NKAIN2: variants seen among roughly 807,000 people sequenced by gnomAD.
The protein encoded by NKAIN2 is sodium/potassium-transporting ATPase subunit beta-1-interacting protein 2.
In NKAIN2, 14 loss-of-function variants were observed where a neutral mutation model predicts 32.6. The ratio of observed to expected loss-of-function variants is 0.43; its 90% CI spans 0.28 to 0.67. The LOEUF is 0.67. Among genes scored for constraint, NKAIN2 ranks in the 30% least tolerant of loss-of-function variants. The probability of loss-of-function intolerance (pLI) is 0.17; values close to 1 mark genes in which losing one functional copy is unlikely to be tolerated. For missense variants in NKAIN2, 198 were observed against 258.3 expected (o/e 0.77, Z 1.60); for synonymous variants, 80 against 87.2 (o/e 0.92, Z 0.46).
intron 1 of NKAIN2, among the ~76,000 whole-genome samples, chr6:123,881,166 C>T (rs1015210282): frequency 2.0e-5 from 3 of 152,072 alleles, no homozygotes; most frequent in East Asian, 1.9e-4. Context: ...GGATTATAGG[C>T]GGCCACCACC....
intron 1 of NKAIN2, among the ~76,000 whole-genome samples, chr6:124,107,518 GT>G (rs1412026812): frequency 2.0e-5 from 3 of 152,070 alleles, no homozygotes; most frequent in South Asian, 4.2e-4. Context: ...ACCAGGCACT[GT>G]TTTTTATGAT....
chr6:124,029,801 C>T (rs555782749), intron 1 of NKAIN2, among the ~76,000 whole-genome samples: 1 of 152,092 alleles, frequency 6.6e-6, no homozygotes, highest in African/African-American at 2.4e-5. Flanking sequence ...AGCCGCTCCC[C>T]ATTGCTTTCA....
chr6:124,600,140 C>T (rs1273126129), intron 3 of NKAIN2, among the ~76,000 whole-genome samples: 1 of 152,058 alleles, frequency 6.6e-6, no homozygotes, highest in African/African-American at 2.4e-5. Flanking sequence ...AATATGACTG[C>T]ACACCATCAC....
intron 1 of NKAIN2, among the ~76,000 whole-genome samples, chr6:124,056,301 A>C (rs1156590398): frequency 6.6e-6 from 1 of 151,912 alleles, no homozygotes; most frequent in Non-Finnish European, 1.5e-5. Flanking sequence ...AAAAAATAAT[A>C]AAGCTATATA....
chr6:124,374,824 A>G (rs1052170554), intron 3 of NKAIN2, among the ~76,000 whole-genome samples: 1 of 152,152 alleles, frequency 6.6e-6, no homozygotes, highest in Non-Finnish European at 1.5e-5. Context: ...GGTTTATTTT[A>G]CGGTGCTTTT....
At chr6:124,331,179 T>C (rs1056182300) in intron 2 of NKAIN2, among the ~76,000 whole-genome samples, 3 of 151,748 alleles carry the variant, frequency 2.0e-5, no homozygotes, top group African/African-American at 7.3e-5. Flanking sequence ...GATGATACTT[T>C]TTTTCAATTT....
At chr6:123,869,016 T>G (rs1404039928) in intron 1 of NKAIN2, among the ~76,000 whole-genome samples, 1 of 152,226 alleles carries the variant, frequency 6.6e-6, no homozygotes, top group African/African-American at 2.4e-5. Flanking sequence ...TGTGATTGAT[T>G]GGTCATCTTT....
At chr6:124,103,214 A>T (rs1188843732) in intron 1 of NKAIN2, among the ~76,000 whole-genome samples, 2 of 152,190 alleles carry the variant, frequency 1.3e-5, no homozygotes, top group African/African-American at 4.8e-5. Flanking sequence ...AGATCTTGCT[A>T]CTGGTCCCAT....
At chr6:124,377,354 C>T (rs1483588126) in intron 3 of NKAIN2, among the ~76,000 whole-genome samples, 2 of 152,116 alleles carry the variant, frequency 1.3e-5, no homozygotes, top group Non-Finnish European at 2.9e-5. Context: ...CAAGCCAGAC[C>T]CAGGTTTCCT....
At chr6:124,504,010 G>A (rs1024446950) in intron 3 of NKAIN2, among the ~76,000 whole-genome samples, 1 of 152,122 alleles carries the variant, frequency 6.6e-6, no homozygotes, top group Non-Finnish European at 1.5e-5. Flanking sequence ...AGAAATTGTA[G>A]TGTTATTCTT....
chr6:124,640,726 G>A (rs1783954615), intron 3 of NKAIN2, among the ~76,000 whole-genome samples: 1 of 152,204 alleles, frequency 6.6e-6, no homozygotes, highest in African/African-American at 2.4e-5. Flanking sequence ...TAGCTGATGA[G>A]TTCTAACTTT....
intron 1 of NKAIN2, among the ~76,000 whole-genome samples, chr6:124,209,785 A>G (rs1309743691): frequency 1.3e-5 from 2 of 151,622 alleles, no homozygotes; most frequent in African/African-American, 4.8e-5. Context: ...CAGATCTTGT[A>G]TCTATTTTAA....
chr6:124,499,961 G>T (rs1778220715), intron 3 of NKAIN2, among the ~76,000 whole-genome samples: 1 of 151,906 alleles, frequency 6.6e-6, no homozygotes, highest in Non-Finnish European at 1.5e-5. Flanking sequence ...CTTTCTGAAA[G>T]TAGTAGTATA....
chr6:124,767,195 T>C (rs1012531492), intron 4 of NKAIN2, among the ~76,000 whole-genome samples: 1 of 151,968 alleles, frequency 6.6e-6, no homozygotes, highest in Non-Finnish European at 1.5e-5. Context: ...CGCCCGGCCC[T>C]ATTTTTCTCT....
intron 4 of NKAIN2, among the ~76,000 whole-genome samples, chr6:124,740,549 G>C (rs769656675): frequency 6.0e-5 from 9 of 150,698 alleles, no homozygotes; most frequent in Non-Finnish European, 1.0e-4. Flanking sequence ...GGGCAATTTA[G>C]ATCTGGAAGG....
chr6:123,996,466 C>T (rs1382409837), intron 1 of NKAIN2, among the ~76,000 whole-genome samples: 1 of 151,966 alleles, frequency 6.6e-6, no homozygotes, highest in Non-Finnish European at 1.5e-5. Context: ...AGCTACCAAG[C>T]TTGTGATAAG....
At chr6:123,871,072 A>C (rs4897561) in intron 1 of NKAIN2, among the ~76,000 whole-genome samples, 36,602 of 151,872 alleles carry the variant, frequency 0.24, 5,077 homozygotes, top group East Asian at 0.59. Flanking sequence ...CATTTCCCAC[A>C]ACAAGAACTG....
chr6:124,807,250 C>T (rs972737475), intron 5 of NKAIN2, among the ~76,000 whole-genome samples: 2 of 152,186 alleles, frequency 1.3e-5, no homozygotes, highest in African/African-American at 4.8e-5. Flanking sequence ...TAAAGCACTC[C>T]TCAGCACATG....
At chr6:124,682,883 C>T (rs544743514) in intron 4 of NKAIN2, among the ~76,000 whole-genome samples, 1 of 152,286 alleles carries the variant, frequency 6.6e-6, no homozygotes, top group East Asian at 1.9e-4. Flanking sequence ...CTTTGCTTTA[C>T]TCAGGTTCTC....
Sources: allele counts gnomAD v4.1 joint callset (sites outside exome capture counted in the v4.1 genomes callset), GRCh38; gene constraint gnomAD v4.1.1; transcripts MANE v1.5; gene names NCBI Gene and HGNC (gene_info 2026-07-23, HGNC 2026-07-21).